Variants in SLC23A2 observed in about 807,000 individuals in gnomAD.
The protein encoded by SLC23A2 is solute carrier family 23 member 2.
In SLC23A2, 36 loss-of-function variants were observed where a neutral mutation model predicts 73.3. The observed-to-expected ratio is 0.49, with a 90% CI of 0.38 to 0.65. The LOEUF (loss-of-function observed/expected upper bound fraction) is 0.65. Among genes scored for constraint, SLC23A2 ranks in the 30% least tolerant of loss-of-function variants. The pLI is 0.00. For synonymous variants in SLC23A2, 343 were observed against 327.3 expected (o/e 1.05, Z -0.52); for missense variants, 507 against 841.6 (o/e 0.60, Z 4.92).
At chr20:4,893,821 G>C (rs1369273781) in intron 6 of SLC23A2, among the ~76,000 whole-genome samples, 1 of 152,202 alleles carries the variant, frequency 6.6e-6, no homozygotes, top group Non-Finnish European at 1.5e-5. Context: ...TTGCTGGAGA[G>C]GTCAGAGTGA....
At chr20:4,901,431 T>C (rs1316951946) in intron 5 of SLC23A2, among the ~76,000 whole-genome samples, 1 of 152,074 alleles carries the variant, frequency 6.6e-6, no homozygotes, top group Non-Finnish European at 1.5e-5. Context: ...AGAGTCCAAG[T>C]TAAAACCAAA....
chr20:4,956,384 G>GCATT (rs11472482), intron 2 of SLC23A2, among the ~76,000 whole-genome samples: 8,537 of 152,214 alleles, frequency 0.056, 428 homozygotes, highest in African/African-American at 0.13. Context: ...AAAAGCAAAT[G>GCATT]CATTAACAGC....
upstream of SLC23A2, among the ~76,000 whole-genome samples, chr20:5,002,116 C>A (rs1322191242): frequency 6.6e-6 from 1 of 152,160 alleles, no homozygotes; most frequent in African/African-American, 2.4e-5. Context: ...GTCTGCACTT[C>A]TAAATTGTCC....
chr20:4,867,955 C>A, intron 12 of SLC23A2, 80 bp from the exon 13 acceptor site: 1 of 819,054 alleles, frequency 1.2e-6, no homozygotes. Flanking sequence ...TACACATCTA[C>A]AATCCAAAAA....
intron 1 of SLC23A2, among the ~76,000 whole-genome samples, chr20:4,976,005 C>A (rs1433473821): frequency 1.3e-5 from 2 of 151,746 alleles, no homozygotes; most frequent in Admixed American, 1.3e-4. Context: ...GGGCACCTGT[C>A]ACCAGGCCCG....
intron 2 of SLC23A2, among the ~76,000 whole-genome samples, chr20:4,953,843 T>G (rs1247324288): frequency 6.6e-6 from 1 of 152,048 alleles, no homozygotes; most frequent in Non-Finnish European, 1.5e-5. Context: ...CAGCTGAGAT[T>G]ATGCCACTGC....
chr20:4,988,613 G>A (rs1433529716), intron 1 of SLC23A2, among the ~76,000 whole-genome samples: 1 of 151,986 alleles, frequency 6.6e-6, no homozygotes, highest in Non-Finnish European at 1.5e-5. Context: ...GCACACACCT[G>A]TAGTCCCGGC....
upstream of SLC23A2, among the ~76,000 whole-genome samples, chr20:5,005,884 G>A (rs1477874144): frequency 1.3e-5 from 2 of 151,928 alleles, no homozygotes; most frequent in Non-Finnish European, 2.9e-5. Flanking sequence ...TACTTGGGAG[G>A]CTGAGGCAGG....
chr20:4,962,369 G>A (rs996711675), intron 2 of SLC23A2, among the ~76,000 whole-genome samples: 8 of 152,072 alleles, frequency 5.3e-5, no homozygotes, highest in South Asian at 4.2e-4. Flanking sequence ...TTCCTGTGGC[G>A]TCCATAGCAG....
At chr20:4,997,197 G>A (rs1216331349) in intron 1 of SLC23A2, among the ~76,000 whole-genome samples, 1 of 152,044 alleles carries the variant, frequency 6.6e-6, no homozygotes, top group East Asian at 1.9e-4. Context: ...CGCCTAGAGT[G>A]TGCTTGCTAA....
At chr20:4,869,558 C>T (rs894534901) in intron 12 of SLC23A2, 2 of 222,178 alleles carry the variant, frequency 9.0e-6, no homozygotes, top group Admixed American at 5.3e-5. Flanking sequence ...CACACACACA[C>T]ACCCCAAAAA....
At chr20:4,897,379 G>A (rs934271270) in intron 6 of SLC23A2, among the ~76,000 whole-genome samples, 1 of 152,196 alleles carries the variant, frequency 6.6e-6, no homozygotes, top group Non-Finnish European at 1.5e-5. Flanking sequence ...ATGGAAGCAG[G>A]GGTGGGGCTG....
At chr20:4,867,648 AGGAGAG>A in intron 13 of SLC23A2, 116 bp downstream of exon 13, 3 of 426,850 alleles carry the variant, frequency 7.0e-6, no homozygotes, top group East Asian at 4.3e-5. Flanking sequence ...AAAAAAAAAA[AGGAGAG>A]AAGTAATTTT....
At position 4,857,200 on chromosome 20, in the gene SLC23A2, A is replaced by C. The variant is rs1929746484; in HGVS notation, c.1725T>G (p.Thr575=). The change falls in exon 17 of 17, where the codon ACT becomes ACG. Residue 575 remains threonine (T), a synonymous_variant. Transcript: ENST00000338244. The surrounding 1 kb of genome is among the most constrained non-coding windows in gnomAD (Gnocchi z 4.0). ...AFILDNTIPG[T]PEERGIRKWK... is the part of the protein sequence containing the mutation. The stretch of plus-strand genomic sequence containing the variant: ...ATTTCCGGATTCCTCTTTCCTCTGG[A>C]GTGCCTGTCACACATCCCAAGATAG... 6.3e-7 allele frequency: 1 copy of C among 1,590,434 alleles called. No homozygotes were observed. Among genetic ancestry groups the C allele is most frequent in the African/African-American group, 1.3e-5 (1 of 74,394 alleles).
At chr20:4,965,041 G>A (rs553610909) in intron 2 of SLC23A2, among the ~76,000 whole-genome samples, 2 of 152,048 alleles carry the variant, frequency 1.3e-5, no homozygotes, top group Admixed American at 1.3e-4. Flanking sequence ...AAAAGCTTGA[G>A]CCATTATCTA....
intron 4 of SLC23A2, among the ~76,000 whole-genome samples, chr20:4,904,893 C>T (rs951507040): frequency 6.6e-6 from 1 of 152,150 alleles, no homozygotes; most frequent in Non-Finnish European, 1.5e-5. Flanking sequence ...GCAGGTAGAT[C>T]ACCTGAGGTC....
chr20:4,932,964 G>C (rs768830987), intron 2 of SLC23A2, among the ~76,000 whole-genome samples: 13 of 152,056 alleles, frequency 8.5e-5, no homozygotes, highest in South Asian at 4.2e-4. Flanking sequence ...CACAATACTA[G>C]GGAGAAAAAA....
chr20:4,887,036 G>A (rs1413193422), intron 6 of SLC23A2, among the ~76,000 whole-genome samples: 4 of 152,212 alleles, frequency 2.6e-5, no homozygotes, highest in Admixed American at 2.6e-4. Flanking sequence ...AGACTTCCTT[G>A]TTACAGATGC....
intron 2 of SLC23A2, among the ~76,000 whole-genome samples, chr20:4,959,482 A>G (rs1354318982): frequency 2.0e-5 from 3 of 152,084 alleles, no homozygotes; most frequent in Non-Finnish European, 4.4e-5. Flanking sequence ...AATGTTAATA[A>G]TGGCTTTATT....
Sources: allele counts gnomAD v4.1 joint callset (sites outside exome capture counted in the v4.1 genomes callset), GRCh38; gene constraint gnomAD v4.1.1; non-coding constraint Gnocchi (gnomAD v3.1); transcripts MANE v1.5; gene names NCBI Gene and HGNC (gene_info 2026-07-23, HGNC 2026-07-21).